STARD13: variants seen among roughly 807,000 people sequenced by gnomAD.
STARD13 encodes stAR-related lipid transfer protein 13.
Under a neutral mutation model 106.4 loss-of-function variants are expected in STARD13, and 62 were observed. That is an observed-to-expected ratio of 0.58 (90% CI 0.48 to 0.72). The LOEUF is 0.72. Among genes scored for constraint, STARD13 ranks in the 30% least tolerant of loss-of-function variants. STARD13 has a pLI of 0.00. For missense variants in STARD13, 1,387 were observed against 1,424.0 expected (o/e 0.97, Z 0.42); for synonymous variants, 565 against 553.0 (o/e 1.02, Z -0.31).
the STARD13 span, among the ~76,000 whole-genome samples, chr13:33,363,905 G>A: frequency 6.6e-6 from 1 of 152,180 alleles, no homozygotes; most frequent in East Asian, 1.9e-4. Flanking sequence ...ATGCCTATGC[G>A]TTACCCTTCC....
chr13:33,380,586 C>A, the STARD13 span, among the ~76,000 whole-genome samples: 2 of 151,084 alleles, frequency 1.3e-5, no homozygotes, highest in African/African-American at 4.9e-5. Context: ...CTGCCCTGGC[C>A]CTGAAGCAAG....
the STARD13 span, among the ~76,000 whole-genome samples, chr13:33,581,743 T>C: frequency 8.5e-5 from 13 of 152,234 alleles, no homozygotes; most frequent in African/African-American, 3.1e-4. Flanking sequence ...TGAAGAGCTA[T>C]GTTTCATTAC....
the STARD13 span, chr13:33,658,456 C>T: frequency 1.3e-5 from 2 of 152,194 alleles, no homozygotes; most frequent in African/African-American, 4.8e-5. Context: ...CATAACCCCT[C>T]TGAGATAGAT....
chr13:33,296,435 C>CATGTGT (rs59268692), intron 1 of STARD13, among the ~76,000 whole-genome samples: 326 of 151,094 alleles, frequency 2.2e-3, no homozygotes, highest in Middle Eastern at 3.4e-3. Flanking sequence ...CATAGTGACA[C>CATGTGT]GTGTGTGTGT....
the STARD13 span, among the ~76,000 whole-genome samples, chr13:33,607,967 T>A: frequency 1.3e-5 from 2 of 152,188 alleles, no homozygotes; most frequent in African/African-American, 4.8e-5. Flanking sequence ...TGGAGTACAA[T>A]GGCACAATCC....
chr13:33,349,325 C>T (rs1274420696), intron 1 of STARD13: 2 of 690,336 alleles, frequency 2.9e-6, no homozygotes, highest in East Asian at 5.4e-5. Flanking sequence ...CAGCAGCCAA[C>T]ATGTTGGTGA....
chr13:33,417,140 A>G, the STARD13 span, among the ~76,000 whole-genome samples: 1 of 152,244 alleles, frequency 6.6e-6, no homozygotes, highest in African/African-American at 2.4e-5. Context: ...ATCATTAGTC[A>G]TTAGAAAAAT....
At chr13:33,139,386 G>C (rs1879509763) in intron 4 of STARD13, among the ~76,000 whole-genome samples, 1 of 152,206 alleles carries the variant, frequency 6.6e-6, no homozygotes, top group Admixed American at 6.5e-5. Context: ...AATAGTGCCT[G>C]GTGGGGAGGA....
At chr13:33,555,810 A>G in the STARD13 span, among the ~76,000 whole-genome samples, 1 of 152,238 alleles carries the variant, frequency 6.6e-6, no homozygotes, top group African/African-American at 2.4e-5. Flanking sequence ...TGAGAATCAC[A>G]TGAAATAAGT....
At chr13:33,663,277 C>T in the STARD13 span, among the ~76,000 whole-genome samples, 2 of 152,018 alleles carry the variant, frequency 1.3e-5, no homozygotes, top group South Asian at 4.2e-4. Context: ...TGATAAAAAT[C>T]TTAAAACTGT....
At chr13:33,217,802 C>T (rs1157063863) in intron 1 of STARD13, among the ~76,000 whole-genome samples, 1 of 152,154 alleles carries the variant, frequency 6.6e-6, no homozygotes, top group Non-Finnish European at 1.5e-5. Context: ...ACTGAAAAAA[C>T]TATAAGCTCA....
chr13:33,159,785 A>G (rs78744323), intron 3 of STARD13, among the ~76,000 whole-genome samples: 3,893 of 152,292 alleles, frequency 0.026, 89 homozygotes, highest in African/African-American at 0.062. Context: ...GATACTATCA[A>G]TGTGAACCAC....
intron 1 of STARD13, among the ~76,000 whole-genome samples, chr13:33,256,255 A>T (rs1890358723): frequency 6.6e-6 from 1 of 152,182 alleles, no homozygotes; most frequent in Non-Finnish European, 1.5e-5. Flanking sequence ...TGGGTCAATG[A>T]TGTGCATTTC....
chr13:33,648,631 A>C, the STARD13 span, among the ~76,000 whole-genome samples: 3 of 152,066 alleles, frequency 2.0e-5, no homozygotes, highest in Non-Finnish European at 2.9e-5. Context: ...GGAGGTCCTT[A>C]GGGCTTTCAA....
chr13:33,468,042 A>G, the STARD13 span, among the ~76,000 whole-genome samples: 2 of 152,224 alleles, frequency 1.3e-5, no homozygotes, highest in African/African-American at 2.4e-5. Flanking sequence ...GTCACAGGAT[A>G]TAACCATTAG....
intron 1 of STARD13, chr13:33,279,803 T>C (rs547682444): frequency 6.6e-6 from 1 of 152,368 alleles, no homozygotes. Context: ...TTTTACTATG[T>C]AGTAATTTTT....
At chr13:33,178,343 G>A (rs566304911) in intron 1 of STARD13, among the ~76,000 whole-genome samples, 62 of 152,010 alleles carry the variant, frequency 4.1e-4, no homozygotes, top group Non-Finnish European at 8.2e-4. Context: ...CCATAATCAT[G>A]GGTTAAAAAT....
At chr13:33,466,824 C>T in the STARD13 span, among the ~76,000 whole-genome samples, 1,252 of 152,214 alleles carry the variant, frequency 8.2e-3, 14 homozygotes, top group African/African-American at 0.029. Flanking sequence ...AACATGAATA[C>T]AAAGTACTTT....
the STARD13 span, among the ~76,000 whole-genome samples, chr13:33,574,563 C>G: frequency 6.6e-6 from 1 of 152,092 alleles, no homozygotes; most frequent in South Asian, 2.1e-4. Flanking sequence ...TACTGGGACC[C>G]TGTCTTTACA....
Sources: gnomAD v4.1 joint callset for allele counts (sites outside exome capture counted in the v4.1 genomes callset) on GRCh38, gnomAD v4.1.1 for gene constraint, MANE v1.5 for transcripts, NCBI Gene and HGNC (gene_info 2026-07-23, HGNC 2026-07-21) for gene names.